Variants in AGAP1 observed in about 807,000 individuals in gnomAD.
The protein encoded by AGAP1 is arf-GAP with GTPase, ANK repeat and PH domain-containing protein 1.
AGAP1 carries 29 observed loss-of-function variants against 105.3 expected under a neutral mutation model. That is an observed-to-expected ratio of 0.28 (90% confidence interval 0.21 to 0.38). AGAP1 has a LOEUF of 0.38. Among genes scored for constraint, AGAP1 ranks in the 10% least tolerant of loss-of-function variants. The pLI is 1.00. For missense variants in AGAP1, 998 were observed against 1,165.1 expected, an observed-to-expected ratio of 0.86 and a Z score of 2.09; for synonymous variants, 509 against 485.9, an observed-to-expected ratio of 1.05 and a Z score of -0.63.
At chr2:235,518,465 C>A (rs1306640914) in intron 1 of AGAP1, among the ~76,000 whole-genome samples, 2 of 152,172 alleles carry the variant, frequency 1.3e-5, no homozygotes, top group Non-Finnish European at 2.9e-5. Context: ...GATGCGTGTG[C>A]CCCACCCTGC....
chr2:235,796,076 T>C (rs143908140), intron 6 of AGAP1, among the ~76,000 whole-genome samples: 455 of 152,352 alleles, frequency 3.0e-3, no homozygotes, highest in Middle Eastern at 0.01. Context: ...CTTACGAATG[T>C]AAAGTCAGTG....
At chr2:235,561,111 CTGTTG>C (rs1179113027) in intron 1 of AGAP1, among the ~76,000 whole-genome samples, 2 of 152,188 alleles carry the variant, frequency 1.3e-5, no homozygotes, top group Non-Finnish European at 2.9e-5. Flanking sequence ...TTAGCCTTCT[CTGTTG>C]TGTTGGCTTC....
rs568406763 is a variant in AGAP1, at chr2:235,740,890, C to T, written c.311-73C>T. The T allele has an allele frequency of 9.1e-4, 1,437 of 1,586,000 alleles. 4 individuals are homozygous for T. The highest frequency in any genetic ancestry group is 9.9e-4 in the Non-Finnish European group (1,143 of 1,157,550). Reference sequence around the variant, plus strand: ...AGCCTAGGGTGTATTTTTCCACAAGCGAAGCCCACGTCTGTCTGCCCTCCT... The same window carrying T: ...AGCCTAGGGTGTATTTTTCCACAAGTGAAGCCCACGTCTGTCTGCCCTCCT... On this transcript the variant is annotated intron_variant, in intron 3 of 17. Coordinates refer to ENST00000304032, the MANE Select transcript of AGAP1 (RefSeq NM_001037131.3). This position sits in a 1 kb window ranked among gnomAD's most constrained non-coding sequence, Gnocchi z 5.7.
rs1488045487 is a variant in AGAP1 at position 235,494,143 on chromosome 2, C to T, written c.-544C>T. Reference sequence around the variant, plus strand: ...AGGCGCCTGCGACTCGGTCCCAGGTCGGCGGGCGGCGCACGGCGGGCTCGC... The same window carrying T: ...AGGCGCCTGCGACTCGGTCCCAGGTTGGCGGGCGGCGCACGGCGGGCTCGC... On this transcript the variant is annotated 5_prime_UTR_variant, in exon 1 of 18. Coordinates refer to ENST00000304032, the MANE Select transcript of AGAP1 (RefSeq NM_001037131.3). 6.9e-6 allele frequency: 1 copy of T among 144,130 alleles called. No individual in the cohort carries two copies. The highest frequency in any genetic ancestry group is 1.5e-5 in the Non-Finnish European group (1 of 64,892). The allele number at this position is 144,130 out of a possible 1,614,324, so 8.9% of individuals were successfully genotyped here.
chr2:235,811,226 G>T (rs1958121505), intron 9 of AGAP1, among the ~76,000 whole-genome samples: 1 of 152,144 alleles, frequency 6.6e-6, no homozygotes, highest in South Asian at 2.1e-4. Flanking sequence ...CCTCCTCCGT[G>T]CCCTTCGCAG....
At chr2:235,581,938 A>G (rs1019637139) in intron 1 of AGAP1, among the ~76,000 whole-genome samples, 6 of 152,242 alleles carry the variant, frequency 3.9e-5, no homozygotes, top group Non-Finnish European at 7.3e-5. Context: ...TGATTGTTGA[A>G]TTAGCACCCG....
intron 1 of AGAP1, among the ~76,000 whole-genome samples, chr2:235,627,192 GTTTTTTTTTTT>G (rs36086999): frequency 5.2e-5 from 5 of 95,556 alleles, no homozygotes; most frequent in East Asian, 3.5e-4. Context: ...CTGTTTTGAG[GTTTTTTTTTTT>G]TTTTTTTTTT....
rs77121060 is a variant in AGAP1, at chr2:235,508,084, C to T, written c.163+13235C>T. 2.6e-3 allele frequency among the ~76,000 whole-genome samples: 399 copies of T among 152,226 alleles called. 3 individuals are homozygous for T. Among genetic ancestry groups the T allele is most frequent in the African/African-American group, 9.3e-3 (387 of 41,530 alleles). On this transcript the variant is annotated intron_variant, in intron 1 of 17. Transcript: ENST00000304032. ...TCGCTTATGATATTGGCCTCCAGCT[C>T]CATCCATTTTGCTGCACAGGGCGTG...
chr2:235,527,214 T>C lies in AGAP1; in HGVS notation c.163+32365T>C, dbSNP rs530896267. 3.9e-5 allele frequency among the ~76,000 whole-genome samples: 6 copies of C among 152,306 alleles called. No homozygotes were observed. In the East Asian group the frequency reaches 1.2e-3, roughly 29 times the overall value. On this transcript the variant is annotated intron_variant, in intron 1 of 17. Coordinates refer to ENST00000304032, the MANE Select transcript of AGAP1 (RefSeq NM_001037131.3). ...GGATTCAGGGAGCAGAATGAAGACA[T>C]TGGCCAGGCAAGCATCTCAGTGTGG...
Position 235,739,974 on chromosome 2 carries a change from G to A in AGAP1, c.311-989G>A, listed in dbSNP as rs966345744. Among the ~76,000 whole-genome samples the A allele has an allele frequency of 3.3e-5, 5 of 152,194 alleles. No homozygotes were observed. Among genetic ancestry groups the A allele is most frequent in the African/African-American group, 9.7e-5 (4 of 41,446 alleles). On this transcript the variant is annotated intron_variant, in intron 3 of 17. Coordinates refer to ENST00000304032, the MANE Select transcript of AGAP1 (RefSeq NM_001037131.3). This position sits in a 1 kb window ranked among gnomAD's most constrained non-coding sequence, Gnocchi z 5.3. ...TGGGGTTTAGACAGGGTTTCTGGAC[G>A]GCATCTGCACAGAGGAGCGGAAGAC...
intron 1 of AGAP1, among the ~76,000 whole-genome samples, chr2:235,496,204 A>G (rs1399628267): frequency 1.3e-5 from 2 of 152,246 alleles, no homozygotes; most frequent in Non-Finnish European, 2.9e-5. Context: ...TGACTGGCAG[A>G]CTATACCCTT....
rs2054668746 is a variant in AGAP1 at position 235,971,991 on chromosome 2, C to T, written c.1645+3368C>T. On this transcript the variant is annotated intron_variant, in intron 13 of 17. Transcript: ENST00000304032. This position sits in a 1 kb window ranked among gnomAD's most constrained non-coding sequence, Gnocchi z 4.8. ...ATGGAGTTTCACTCTTTTGCCCAGG[C>T]TGGTCTTGAACTCCTGGGCTCAAGC... 6.6e-6 allele frequency among the ~76,000 whole-genome samples: 1 copy of T among 151,968 alleles called. No homozygotes were observed. Among genetic ancestry groups the T allele is most frequent in the African/African-American group, 2.4e-5 (1 of 41,376 alleles).
intron 13 of AGAP1, among the ~76,000 whole-genome samples, chr2:235,974,732 C>G (rs1191955038): frequency 6.6e-6 from 1 of 152,216 alleles, no homozygotes; most frequent in Non-Finnish European, 1.5e-5. Context: ...TCCAGAGTTG[C>G]AGAGGTCACC....
At chr2:235,899,204 C>T (rs2050946207) in intron 10 of AGAP1, among the ~76,000 whole-genome samples, 1 of 152,152 alleles carries the variant, frequency 6.6e-6, no homozygotes, top group Non-Finnish European at 1.5e-5. Context: ...GATGTATATG[C>T]TCTGCTGTCT....
intron 6 of AGAP1, among the ~76,000 whole-genome samples, chr2:235,776,502 T>C (rs1405588793): frequency 2.6e-5 from 4 of 152,190 alleles, no homozygotes; most frequent in Admixed American, 1.3e-4. Context: ...GCACCTACCA[T>C]AGTGGTTTCC....
chr2:235,854,172 G>A (rs781147620), intron 9 of AGAP1, among the ~76,000 whole-genome samples: 4 of 152,208 alleles, frequency 2.6e-5, no homozygotes, highest in East Asian at 1.9e-4. Flanking sequence ...TCCCGGGCTC[G>A]TGGGGTCACC....
At chr2:235,564,639 TGTGAGCCTGGACCACCACCCAGGGC>T in intron 1 of AGAP1, among the ~76,000 whole-genome samples, 1 of 145,438 alleles carries the variant, frequency 6.9e-6, no homozygotes, top group Non-Finnish European at 1.5e-5. Flanking sequence ...CAGGGCCAGG[TGTGAGCCTGGACCACCACCCAGGGC>T]CAGGTGTGAG....
chr2:235,869,597 T>A (rs2049343204), intron 9 of AGAP1, among the ~76,000 whole-genome samples: 1 of 152,216 alleles, frequency 6.6e-6, no homozygotes, highest in African/African-American at 2.4e-5. Context: ...CGAGACTCCG[T>A]CTCAAAAATA....
chr2:235,661,065 G>A (rs1947931289), intron 1 of AGAP1, among the ~76,000 whole-genome samples: 1 of 152,170 alleles, frequency 6.6e-6, no homozygotes, highest in Non-Finnish European at 1.5e-5. Context: ...GACTCTGATT[G>A]CAGGAGTAAG....
Sources: allele counts gnomAD v4.1 joint callset (sites outside exome capture counted in the v4.1 genomes callset), GRCh38; gene constraint gnomAD v4.1.1; non-coding constraint Gnocchi (gnomAD v3.1); transcripts MANE v1.5; gene names NCBI Gene and HGNC (gene_info 2026-07-23, HGNC 2026-07-21).